DNMT3A: variants seen among roughly 807,000 people sequenced by gnomAD.
DNMT3A encodes the protein DNA methyltransferase 3 alpha.
DNMT3A carries 267 observed loss-of-function variants against 117.6 expected under a neutral mutation model. The observed-to-expected ratio is 2.27, with a 90% CI of 2.05 to 2.51. DNMT3A has a LOEUF of 2.51. Ranked by LOEUF, DNMT3A falls within the 30% of genes most tolerant of loss-of-function variation. The pLI, the probability that DNMT3A is intolerant of heterozygous loss-of-function variation, is 0.00. For missense variants in DNMT3A, 1,029 were observed against 1,260.2 expected (o/e 0.82, Z 2.78); for synonymous variants, 432 against 474.8 (o/e 0.91, Z 1.17).
intron 2 of DNMT3A, among the ~76,000 whole-genome samples, chr2:25,308,968 T>C (rs1436557123): frequency 6.9e-5 from 10 of 144,046 alleles, no homozygotes; most frequent in African/African-American, 2.6e-4. Flanking sequence ...CACAGATGCA[T>C]ACACACACAC....
At chr2:25,319,017 C>CTT (rs567787303) in intron 1 of DNMT3A, among the ~76,000 whole-genome samples, 8 of 103,266 alleles carry the variant, frequency 7.7e-5, no homozygotes, top group Non-Finnish European at 1.4e-4. Context: ...TTCTTTCTTT[C>CTT]TTTTTTTTTT....
In DNMT3A at chr2:25,297,469, G is replaced by A. The variant is rs1161684014; in HGVS notation, c.177+2670C>T. Among the ~76,000 whole-genome samples the A allele has an allele frequency of 4.6e-5, 7 of 151,456 alleles. No homozygotes were observed. The East Asian group carries it at 1.4e-3, about 29-fold the overall frequency. On this transcript the variant is annotated intron_variant, in intron 3 of 22. Transcript: ENST00000321117. Reference sequence around the variant, plus strand: ...CCCAGCCTGGTGGACACTGGGCCCTGCAGTGGAACAGGTTTTTTACACAGC... The same window carrying A: ...CCCAGCCTGGTGGACACTGGGCCCTACAGTGGAACAGGTTTTTTACACAGC...
intron 1 of DNMT3A, among the ~76,000 whole-genome samples, chr2:25,330,383 G>A (rs1241848000): frequency 6.6e-6 from 1 of 151,298 alleles, no homozygotes; most frequent in East Asian, 2.0e-4. Context: ...GAGACAGCCC[G>A]ACTCCCACCC....
In DNMT3A at chr2:25,311,287, G is replaced by T. The variant is rs2034103872; in HGVS notation, c.72+2626C>A. On this transcript the variant is annotated intron_variant, in intron 2 of 22. Coordinates refer to ENST00000321117, the MANE Select transcript of DNMT3A (RefSeq NM_022552.5). This position sits in a 1 kb window ranked among gnomAD's most constrained non-coding sequence, Gnocchi z 5.2. ...GCACCTGTGCCAGGCTCCCTGGGCT[G>T]CAGACCAAGCCTGTGTCTTCCCCTC... Among the ~76,000 whole-genome samples the T allele has an allele frequency of 6.6e-6, 1 of 152,216 alleles. No individual in the cohort carries two copies. The highest frequency in any genetic ancestry group is 1.5e-5 in the Non-Finnish European group (1 of 68,036).
chr2:25,247,665 A>T lies in DNMT3A; in HGVS notation c.940T>A (p.Trp314Arg). 6.2e-7 allele frequency: 1 copy of T among 1,613,792 alleles called. No individual in the cohort carries two copies. The highest frequency in any genetic ancestry group is 1.1e-5 in the South Asian group (1 of 91,050). Residue 314 changes from tryptophan to arginine, a missense_variant, in exon 8 of 23, where the codon TGG becomes AGG. Trp to Arg is a moderately radical substitution (Grantham distance 101). Coordinates refer to ENST00000321117, the MANE Select transcript of DNMT3A (RefSeq NM_022552.5). The surrounding 1 kb of genome is among the most constrained non-coding windows in gnomAD (Gnocchi z 5.6). Reference sequence around the variant, plus strand: ...GCTGCTCGGCTCCGGCCCGTCATCCACCAAGACACAATGCGGCCTGGCCAC... The same window carrying T: ...GCTGCTCGGCTCCGGCCCGTCATCCTCCAAGACACAATGCGGCCTGGCCAC... ...SWWPGRIVSW[W>R]MTGRSRAAEG...
chr2:25,283,966 G>A (rs1362731333), intron 3 of DNMT3A, among the ~76,000 whole-genome samples: 1 of 152,210 alleles, frequency 6.6e-6, no homozygotes, highest in Admixed American at 6.5e-5. Flanking sequence ...CAGGAGAGCC[G>A]GGTGCCTGCT....
Position 25,237,543 on chromosome 2 carries a change from G to A in DNMT3A, c.2409-538C>T, listed in dbSNP as rs928858807. 7.9e-5 allele frequency among the ~76,000 whole-genome samples: 12 copies of A among 152,158 alleles called. No homozygotes were observed. Among genetic ancestry groups the A allele is most frequent in the Non-Finnish European group, 1.3e-4 (9 of 68,018 alleles). ...AGCCCTTTGGAAGGCTGAGGCAGGCGGGTCACCTGAGGTCAGGAGTTTGAG... is the reference window on the plus strand; with the variant it reads ...AGCCCTTTGGAAGGCTGAGGCAGGCAGGTCACCTGAGGTCAGGAGTTTGAG... On this transcript the variant is annotated intron_variant, in intron 20 of 22. Transcript: ENST00000321117. The surrounding 1 kb of genome is among the most constrained non-coding windows in gnomAD (Gnocchi z 5.4).
chr2:25,296,059 C>T lies in DNMT3A; in HGVS notation c.177+4080G>A, dbSNP rs1294064445. On this transcript the variant is annotated intron_variant, in intron 3 of 22. Transcript: ENST00000321117. The surrounding 1 kb of genome is among the most constrained non-coding windows in gnomAD (Gnocchi z 4.2). ...GCACGTGGATGTGGCAACATTGTCA[C>T]ACACACATAAAAGCTTCTGAATAGT... Among the ~76,000 whole-genome samples the T allele has an allele frequency of 6.6e-6, 1 of 152,224 alleles. No homozygotes were observed. The highest frequency in any genetic ancestry group is 1.5e-5 in the Non-Finnish European group (1 of 68,046).
chr2:25,300,212 T>C lies in DNMT3A; in HGVS notation c.104A>G (p.Lys35Arg), dbSNP rs2033350122. 2 of 1,610,790 alleles carry C rather than the reference T, an allele frequency of 1.2e-6. No individual in the cohort carries two copies. Among genetic ancestry groups the C allele is most frequent in the African/African-American group, 1.3e-5 (1 of 75,036 alleles). Reference protein sequence around the residue: ...DGEEQEEPRGKEERQEPSTTA... With the variant: ...DGEEQEEPRGREERQEPSTTA... ...GGTGCTGGGCTCTTGGCGCTCCTCC[T>C]TGCCACGCGGCTCCTCCTGCTCCTC... The change falls in exon 3 of 23, where the codon AAG (lysine) becomes AGG (arginine). Residue 35 changes from lysine to arginine, a missense_variant. Physicochemically the swap from Lys to Arg is conservative, Grantham distance 26. Coordinates refer to ENST00000321117, the MANE Select transcript of DNMT3A (RefSeq NM_022552.5).
chr2:25,251,083 C>A (rs927574529), intron 6 of DNMT3A, among the ~76,000 whole-genome samples: 2 of 145,788 alleles, frequency 1.4e-5, no homozygotes, highest in East Asian at 4.4e-4. Flanking sequence ...GCACCCGGCC[C>A]GGTAAGGGCT....
At chr2:25,297,507 G>GTTTTT (rs1184125497) in intron 3 of DNMT3A, among the ~76,000 whole-genome samples, 10 of 123,452 alleles carry the variant, frequency 8.1e-5, no homozygotes, top group South Asian at 2.6e-4. Context: ...GCTCTGCATT[G>GTTTTT]TTTTTTTTTT....
intron 16 of DNMT3A, 65 bp downstream of exon 16, chr2:25,243,833 C>CCA: frequency 6.6e-7 from 1 of 1,520,420 alleles, no homozygotes; most frequent in South Asian, 1.2e-5. Context: ...CCAGAGTTGC[C>CCA]CACACACCTG....
At chr2:25,342,176 C>A (rs2035490304), upstream of DNMT3A, among the ~76,000 whole-genome samples, 1 of 145,602 alleles carries the variant, frequency 6.9e-6, no homozygotes, top group Non-Finnish European at 1.5e-5. This position sits in a 1 kb window ranked among gnomAD's most constrained non-coding sequence, Gnocchi z 5.9. Flanking sequence ...ACTGGGGGGC[C>A]CCGGGGCGCC....
intron 1 of DNMT3A, among the ~76,000 whole-genome samples, chr2:25,319,776 T>TC (rs1272596871): frequency 6.6e-6 from 1 of 151,344 alleles, no homozygotes; most frequent in Non-Finnish European, 1.5e-5. Flanking sequence ...TTTCTTTCTT[T>TC]TTTTTTTTTT....
chr2:25,240,299 TACCTCGAGAA>T lies in DNMT3A; in HGVS notation c.2315_2322+2del. ...CTGGCCAAACCAAGGTTGCTGGCTATACCTCGAGAAATCGCGAGATGTCCCTCTTGTCACT... is the reference window on the plus strand; with the variant it reads ...CTGGCCAAACCAAGGTTGCTGGCTATATCGCGAGATGTCCCTCTTGTCACT... On this transcript the variant is annotated splice_donor_variant and coding_sequence_variant, in exon 19 of 23. Coordinates refer to ENST00000321117, the MANE Select transcript of DNMT3A (RefSeq NM_022552.5). LOFTEE classifies it high-confidence loss of function. 6.2e-7 allele frequency: 1 copy of T among 1,614,168 alleles called. No homozygotes were observed. Among genetic ancestry groups the T allele is most frequent in the Non-Finnish European group, 8.5e-7 (1 of 1,180,002 alleles).
At chr2:25,241,769 C>T (rs1330614658) in intron 16 of DNMT3A, 62 bp from the exon 17 acceptor site, 13 of 1,583,442 alleles carry the variant, frequency 8.2e-6, no homozygotes, top group Non-Finnish European at 1.0e-5. Flanking sequence ...CTGGTCTCGG[C>T]AGGTGAGCCT....
In DNMT3A at chr2:25,293,152, T is replaced by C. The variant is rs1316774178; in HGVS notation, c.177+6987A>G. 1.3e-5 allele frequency among the ~76,000 whole-genome samples: 2 copies of C among 152,158 alleles called. No homozygotes were observed. The highest frequency in any genetic ancestry group is 4.8e-5 in the African/African-American group (2 of 41,430). On this transcript the variant is annotated intron_variant, in intron 3 of 22. Transcript: ENST00000321117. This position sits in a 1 kb window ranked among gnomAD's most constrained non-coding sequence, Gnocchi z 4.7. ...GTCTCTGACAACAACGCTGATGCTGTCCCTGTTGTGCCATTGCTAGGGCTT... is the reference window on the plus strand; with the variant it reads ...GTCTCTGACAACAACGCTGATGCTGCCCCTGTTGTGCCATTGCTAGGGCTT...
chr2:25,324,792 CAGTG>C (rs2034725566), intron 1 of DNMT3A, among the ~76,000 whole-genome samples: 1 of 152,134 alleles, frequency 6.6e-6, no homozygotes, highest in African/African-American at 2.4e-5. Flanking sequence ...TGCCATTTTC[CAGTG>C]AGATGGCCAT....
chr2:25,259,541 GGAGGGACTCACATTTGAGAGGT>G (rs1676434392), intron 6 of DNMT3A, among the ~76,000 whole-genome samples: 1 of 152,214 alleles, frequency 6.6e-6, no homozygotes, highest in South Asian at 2.1e-4. Flanking sequence ...AAGGAAGCCA[GGAGGGACTCACATTTGAGAGGT>G]GAGGGACTTC....
Sources: gnomAD v4.1 joint callset for allele counts (sites outside exome capture counted in the v4.1 genomes callset) on GRCh38, gnomAD v4.1.1 for gene constraint, Gnocchi (gnomAD v3.1) non-coding constraint, MANE v1.5 for transcripts, NCBI Gene and HGNC (gene_info 2026-07-23, HGNC 2026-07-21) for gene names.